Variants in SLC7A10 observed in about 807,000 individuals in gnomAD.
The protein encoded by SLC7A10 is asc-type amino acid transporter 1.
SLC7A10 carries 30 observed loss-of-function variants against 52.7 expected under a neutral mutation model. The ratio of observed to expected loss-of-function variants is 0.57; its 90% confidence interval spans 0.43 to 0.77. SLC7A10 has a LOEUF of 0.77. Among genes scored for constraint, SLC7A10 ranks in the 30% least tolerant of loss-of-function variants. The probability of loss-of-function intolerance (pLI) is 0.00; values close to 1 mark genes in which losing one functional copy is unlikely to be tolerated. For synonymous variants in SLC7A10, 318 were observed against 314.9 expected (o/e 1.01, Z -0.10); for missense variants, 581 against 698.5 (o/e 0.83, Z 1.90).
chr19:33,212,737 T>C (rs1486419719), intron 3 of SLC7A10, 98 bp from the exon 4 acceptor site: 16 of 1,607,522 alleles, frequency 1.0e-5, no homozygotes, highest in Admixed American at 3.3e-5. Flanking sequence ...GCATCCCCTA[T>C]AGCAGCTGGA....
At chr19:33,216,917 C>A (rs1974699147) in intron 1 of SLC7A10, among the ~76,000 whole-genome samples, 1 of 152,036 alleles carries the variant, frequency 6.6e-6, no homozygotes, top group Non-Finnish European at 1.5e-5. Context: ...CTCTGCCACC[C>A]TGGCTGGAGT....
intron 2 of SLC7A10, among the ~76,000 whole-genome samples, chr19:33,214,795 C>T (rs1416339317): frequency 6.6e-6 from 1 of 152,252 alleles, no homozygotes; most frequent in Non-Finnish European, 1.5e-5. Flanking sequence ...TACACACTCT[C>T]AAAGCAAGGC....
intron 5 of SLC7A10, 103 bp from the exon 6 acceptor site, chr19:33,211,640 C>G: frequency 1.3e-6 from 2 of 1,594,164 alleles, no homozygotes; most frequent in Non-Finnish European, 1.7e-6. Context: ...CTTGTGTCTG[C>G]TGGGGATGTT....
rs900981350 is a variant in SLC7A10, at chr19:33,225,473, G to A, written c.151+80C>T. On this transcript the variant is annotated intron_variant, in intron 1 of 10. Transcript: ENST00000253188. ...AGGCAGACCCGTCCGAGCGCCCGGA[G>A]AGGGGACGCCCCTCGTTCGGAGCGG... 3.8e-5 allele frequency: 59 copies of A among 1,538,192 alleles called. No individual in the cohort carries two copies. In the African/African-American group the frequency reaches 7.1e-4, roughly 18 times the overall value.
intron 1 of SLC7A10, among the ~76,000 whole-genome samples, chr19:33,222,376 G>A (rs980818060): frequency 4.0e-5 from 6 of 150,250 alleles, no homozygotes; most frequent in African/African-American, 1.5e-4. Flanking sequence ...TATAGTTTGT[G>A]CTATGGAGCA....
chr19:33,212,252 C>T, intron 5 of SLC7A10, 40 bp downstream of exon 5: 5 of 1,569,684 alleles, frequency 3.2e-6, no homozygotes, highest in Non-Finnish European at 4.3e-6. Context: ...CACCAGAGGG[C>T]CTGGCTGCTT....
rs1974516097 is a variant in SLC7A10, at chr19:33,210,388, C to G, written c.1263+79G>C. Reference sequence around the variant, plus strand: ...ACAAAAGCTGGCACCTCCCATCCCACCTGCCCCTGGTGCCCACTGTGGATG... The same window carrying G: ...ACAAAAGCTGGCACCTCCCATCCCAGCTGCCCCTGGTGCCCACTGTGGATG... On this transcript the variant is annotated intron_variant, in intron 9 of 10. Transcript: ENST00000253188. This position sits in a 1 kb window ranked among gnomAD's most constrained non-coding sequence, Gnocchi z 5.6. The G allele has an allele frequency of 2.0e-6, 3 of 1,518,090 alleles. No individual in the cohort carries two copies. Among genetic ancestry groups the G allele is most frequent in the Admixed American group, 3.9e-5 (2 of 50,814 alleles). 94.0% of individuals were successfully genotyped at this position (1,518,090 alleles called of 1,614,324 possible).
In SLC7A10 at chr19:33,212,721, A is replaced by G. The variant is rs140514542; in HGVS notation, c.509-82T>C. ...GGCCAAGTCCAGCCCAGGCGGCCCG[A>G]GAATGGCATCCCCTATAGCAGCTGG... On this transcript the variant is annotated intron_variant, in intron 3 of 10. Coordinates refer to ENST00000253188, the MANE Select transcript of SLC7A10 (RefSeq NM_019849.3). 2,177 of 1,611,246 alleles carry G rather than the reference A, an allele frequency of 1.4e-3. 17 individuals are homozygous for G. In the African/African-American group the frequency reaches 0.025, roughly 19 times the overall value.
At chr19:33,212,785 C>A in intron 3 of SLC7A10, 66 bp downstream of exon 3, 1 of 1,607,550 alleles carries the variant, frequency 6.2e-7, no homozygotes, top group South Asian at 1.1e-5. Flanking sequence ...TGTCCTCCTG[C>A]TCAGGGCAGG....
intron 1 of SLC7A10, chr19:33,217,939 CCT>C (rs1473910882): frequency 6.6e-6 from 1 of 152,182 alleles, no homozygotes; most frequent in East Asian, 1.9e-4. Context: ...GAGAGAAGCG[CCT>C]CTCTCATCTA....
At chr19:33,220,779 G>A (rs971773720) in intron 1 of SLC7A10, 12 of 152,130 alleles carry the variant, frequency 7.9e-5, no homozygotes, top group African/African-American at 2.4e-4. Flanking sequence ...TGCTCCTCTC[G>A]ATCTTCCCTG....
intron 1 of SLC7A10, chr19:33,219,821 G>C (rs1974775844): frequency 1.3e-5 from 2 of 152,396 alleles, no homozygotes; most frequent in South Asian, 4.1e-4. Flanking sequence ...CTGCAATCTG[G>C]ACATCGCCCC....
At chr19:33,213,425 A>G (rs1238231008) in intron 2 of SLC7A10, among the ~76,000 whole-genome samples, 4 of 151,716 alleles carry the variant, frequency 2.6e-5, no homozygotes, top group African/African-American at 9.7e-5. Context: ...AGTAGCTGGG[A>G]CTACAGGCGC....
intron 1 of SLC7A10, among the ~76,000 whole-genome samples, chr19:33,221,592 G>T (rs114455254): frequency 0.019 from 2,929 of 152,234 alleles, 87 homozygotes; most frequent in African/African-American, 0.06. Context: ...TCAGGGCCCC[G>T]GTGAGGAGGG....
At chr19:33,212,176 G>A (rs754715850) in intron 5 of SLC7A10, 116 bp downstream of exon 5, 10 of 1,446,286 alleles carry the variant, frequency 6.9e-6, no homozygotes, top group Middle Eastern at 2.0e-4. Context: ...GGCAACAGGC[G>A]TGGGCCACCG....
At chr19:33,214,088 C>T (rs755509739) in intron 2 of SLC7A10, among the ~76,000 whole-genome samples, 3 of 152,140 alleles carry the variant, frequency 2.0e-5, no homozygotes, top group African/African-American at 4.8e-5. Flanking sequence ...CCGCATGTTC[C>T]GTGCCCAGGG....
At position 33,210,864 on chromosome 19, in the gene SLC7A10, G is replaced by A; in HGVS notation, c.1051C>T (p.Pro351Ser). 1.9e-6 allele frequency: 3 copies of A among 1,613,428 alleles called. No individual in the cohort carries two copies. The highest frequency in any genetic ancestry group is 1.3e-5 in the African/African-American group (1 of 75,056). Residue 351 changes from proline to serine, a missense_variant, in exon 8 of 11, where the codon CCC becomes TCC. Pro to Ser is a moderately conservative substitution (Grantham distance 74). Transcript: ENST00000253188. This position sits in a 1 kb window ranked among gnomAD's most constrained non-coding sequence, Gnocchi z 5.6. ...ACGTGGATCATGGCCAGCAGGCTGG[G>A]CAGGTGCCCCTCGCGGGCTCCAGAG... ...CFSGAREGHL[P>S]SLLAMIHVRH...
chr19:33,222,393 T>C (rs573835479), intron 1 of SLC7A10, among the ~76,000 whole-genome samples: 1 of 148,896 alleles, frequency 6.7e-6, no homozygotes, highest in Non-Finnish European at 1.5e-5. Context: ...AGCAAGAGTT[T>C]GTTTTAATAA....
chr19:33,215,871 A>G lies in SLC7A10; in HGVS notation c.254T>C (p.Val85Ala). 1 of 1,608,134 alleles carries G rather than the reference A, an allele frequency of 6.2e-7. No individual in the cohort carries two copies. Among genetic ancestry groups the G allele is most frequent in the Non-Finnish European group, 8.5e-7 (1 of 1,177,588 alleles). Residue 85 changes from valine (V) to alanine (A), a missense_variant, in exon 2 of 11, where the codon GTG becomes GCG. By Grantham distance (64) the Val-to-Ala change is moderately conservative (BLOSUM62 0). Transcript: ENST00000253188. ...ATAGCAGAGGGAGCCCAGAGCCGTC[A>G]CGCCCCCACCCAGGACCCAGACGAA... is the stretch of plus-strand genomic sequence containing the variant. Reference protein sequence around the residue: ...ALFVWVLGGGVTALGSLCYAE... With the variant: ...ALFVWVLGGGATALGSLCYAE...
Sources: gnomAD v4.1 joint callset for allele counts (sites outside exome capture counted in the v4.1 genomes callset) on GRCh38, gnomAD v4.1.1 for gene constraint, Gnocchi (gnomAD v3.1) non-coding constraint, MANE v1.5 for transcripts, NCBI Gene and HGNC (gene_info 2026-07-23, HGNC 2026-07-21) for gene names.